The following POU6F2 variants were observed in gnomAD, a reference collection of about 807,000 sequenced individuals.
POU6F2 encodes the protein POU domain, class 6, transcription factor 2.
POU6F2 carries 31 observed loss-of-function variants against 71.3 expected under a neutral mutation model. The ratio of observed to expected loss-of-function variants is 0.43; its 90% CI spans 0.33 to 0.59. The LOEUF (loss-of-function observed/expected upper bound fraction) is 0.59. POU6F2 is among the 20% of genes least tolerant of loss of function. POU6F2 has a pLI of 0.04. For missense variants in POU6F2, 783 were observed against 856.8 expected, an observed-to-expected ratio of 0.91 and a Z score of 1.07; for synonymous variants, 347 against 355.7, an observed-to-expected ratio of 0.98 and a Z score of 0.27.
At chr7:39,141,780 A>G in intron 2 of POU6F2, among the ~76,000 whole-genome samples, 1 of 152,360 alleles carries the variant, frequency 6.6e-6, no homozygotes, top group South Asian at 2.1e-4. Context: ...AAGACTGAAA[A>G]AAGTATTAAA....
chr7:39,271,513 A>C (rs1321242635), intron 4 of POU6F2, among the ~76,000 whole-genome samples: 4 of 120,084 alleles, frequency 3.3e-5, no homozygotes, highest in East Asian at 2.6e-4. Context: ...AAAAAAAAAA[A>C]CCCTATGACC....
chr7:39,408,611 C>T lies in POU6F2; in HGVS notation c.1113+1871C>T, dbSNP rs748170288. 2.0e-5 allele frequency among the ~76,000 whole-genome samples: 3 copies of T among 152,112 alleles called. 1 individual carries two copies. Among genetic ancestry groups the T allele is most frequent in the Non-Finnish European group, 4.4e-5 (3 of 68,020 alleles). On this transcript the variant is annotated intron_variant, in intron 6 of 9. Transcript: ENST00000518318. ...CTTATTTTAGAAACTGTGGTATGAT[C>T]GTTTATTTGATGTGGCATACAAACC...
intron 9 of POU6F2, among the ~76,000 whole-genome samples, chr7:39,462,423 C>G (rs983108564): frequency 6.6e-6 from 1 of 152,306 alleles, no homozygotes; most frequent in East Asian, 1.9e-4. Flanking sequence ...GCTGCACACT[C>G]AGGCATCGCT....
chr7:39,414,408 C>T (rs76417763), intron 6 of POU6F2, among the ~76,000 whole-genome samples: 2,220 of 152,280 alleles, frequency 0.015, 50 homozygotes, highest in African/African-American at 0.047. Flanking sequence ...CCGAGGCGCT[C>T]GCTGAAGGGG....
At chr7:39,119,184 C>T (rs1240198818) in intron 2 of POU6F2, among the ~76,000 whole-genome samples, 1 of 152,102 alleles carries the variant, frequency 6.6e-6, no homozygotes, top group Non-Finnish European at 1.5e-5. Flanking sequence ...TGGACAGCAA[C>T]CAATCCTGTT....
At chr7:39,204,911 T>C (rs2128745490) in intron 3 of POU6F2, among the ~76,000 whole-genome samples, 1 of 152,064 alleles carries the variant, frequency 6.6e-6, no homozygotes, top group East Asian at 1.9e-4. Context: ...CTTTTTTTTT[T>C]TTTTTTCCTT....
chr7:39,001,094 T>C (rs859555), intron 1 of POU6F2, among the ~76,000 whole-genome samples: 151,538 of 152,324 alleles, frequency 0.99, 75,385 homozygotes, highest in East Asian at 1. Flanking sequence ...TTCCTTACCT[T>C]TTAACCTGTG....
At chr7:39,237,554 G>T (rs894977048) in intron 4 of POU6F2, among the ~76,000 whole-genome samples, 2 of 152,142 alleles carry the variant, frequency 1.3e-5, no homozygotes, top group African/African-American at 4.8e-5. Flanking sequence ...CTTTAGCTGA[G>T]TGGAACCCAT....
chr7:39,212,063 G>C (rs1455408633), intron 4 of POU6F2, among the ~76,000 whole-genome samples: 1 of 152,156 alleles, frequency 6.6e-6, no homozygotes, highest in Non-Finnish European at 1.5e-5. Context: ...TTACCATGAG[G>C]CTGAGCCTTT....
At chr7:39,061,756 A>G (rs992865636) in intron 1 of POU6F2, among the ~76,000 whole-genome samples, 2 of 152,204 alleles carry the variant, frequency 1.3e-5, no homozygotes, top group African/African-American at 2.4e-5. Context: ...TCAGCAACAA[A>G]TACTTTTAGT....
chr7:39,072,985 C>A (rs1167801742), intron 1 of POU6F2, among the ~76,000 whole-genome samples: 1 of 152,126 alleles, frequency 6.6e-6, no homozygotes, highest in Non-Finnish European at 1.5e-5. Context: ...AAAGAAGATG[C>A]CGAATACAAT....
At chr7:39,451,349 G>A (rs185208740) in intron 7 of POU6F2, among the ~76,000 whole-genome samples, 184 bp from the exon 8 acceptor site, 1 of 137,786 alleles carries the variant, frequency 7.3e-6, no homozygotes, top group East Asian at 2.4e-4. Context: ...CAAGCAAGTG[G>A]CAATATGTGC....
chr7:39,145,699 G>C (rs4540324), intron 2 of POU6F2, among the ~76,000 whole-genome samples: 38,272 of 152,016 alleles, frequency 0.25, 5,393 homozygotes, highest in East Asian at 0.56. Flanking sequence ...TGGAAAGGTT[G>C]GTACCCCAGA....
At chr7:39,128,491 TG>T (rs1328320430) in intron 2 of POU6F2, among the ~76,000 whole-genome samples, 1 of 152,180 alleles carries the variant, frequency 6.6e-6, no homozygotes, top group East Asian at 1.9e-4. Context: ...TACATATAAA[TG>T]GGTTACCATA....
intron 4 of POU6F2, among the ~76,000 whole-genome samples, chr7:39,296,224 G>T (rs1336014885): frequency 6.6e-6 from 1 of 152,112 alleles, no homozygotes; most frequent in African/African-American, 2.4e-5. Context: ...GTTATTAGAT[G>T]CTCATTAATT....
At chr7:39,170,183 T>A (rs891253850) in intron 2 of POU6F2, among the ~76,000 whole-genome samples, 64 of 152,114 alleles carry the variant, frequency 4.2e-4, no homozygotes, top group African/African-American at 1.3e-3. Context: ...ATAATAATAA[T>A]AAAAAAAATT....
At chr7:39,433,818 A>G (rs2116034854) in intron 7 of POU6F2, among the ~76,000 whole-genome samples, 1 of 152,316 alleles carries the variant, frequency 6.6e-6, no homozygotes. Flanking sequence ...TGTGCTAGAG[A>G]TTGGGTCCAC....
intron 5 of POU6F2, among the ~76,000 whole-genome samples, chr7:39,354,178 A>G (rs1180599308): frequency 6.6e-6 from 1 of 152,218 alleles, no homozygotes; most frequent in Non-Finnish European, 1.5e-5. Flanking sequence ...TTTCCAAGAG[A>G]CTGTACTATT....
chr7:39,304,271 A>G (rs971829750), intron 4 of POU6F2, among the ~76,000 whole-genome samples: 10 of 152,228 alleles, frequency 6.6e-5, no homozygotes, highest in African/African-American at 2.4e-4. Context: ...ATCACAGGAA[A>G]ACATGAGCAA....
Sources: allele counts gnomAD v4.1 joint callset (sites outside exome capture counted in the v4.1 genomes callset), GRCh38; gene constraint gnomAD v4.1.1; transcripts MANE v1.5; gene names NCBI Gene and HGNC (gene_info 2026-07-23, HGNC 2026-07-21).